The following RALGAPA1 variants were observed in gnomAD, a reference collection of about 807,000 sequenced individuals.
RALGAPA1 encodes the protein Ral GTPase activating protein catalytic subunit alpha 1, also known as ral GTPase-activating protein subunit alpha-1.
RALGAPA1 carries 52 observed loss-of-function variants against 269.6 expected under a neutral mutation model. That is an observed-to-expected ratio of 0.19 (90% CI 0.15 to 0.24). The LOEUF (loss-of-function observed/expected upper bound fraction) is 0.24. Ranked by LOEUF, RALGAPA1 falls within the 10% of genes least tolerant of loss-of-function variation. The pLI is 1.00. For synonymous variants in RALGAPA1, 817 were observed against 1,008.3 expected (o/e 0.81, Z 3.60); for missense variants, 1,917 against 3,013.9 (o/e 0.64, Z 8.52).
chr14:35,758,516 G>A (rs961714333), intron 6 of RALGAPA1, among the ~76,000 whole-genome samples: 15 of 151,972 alleles, frequency 9.9e-5, no homozygotes, highest in Non-Finnish European at 1.3e-4. Context: ...AAGAGAAGGG[G>A]CAGAAGTCAG....
intron 14 of RALGAPA1, 197 bp from the exon 15 acceptor site, chr14:35,723,461 C>T (rs2069614860): frequency 2.3e-6 from 1 of 426,236 alleles, no homozygotes; most frequent in South Asian, 4.9e-5. Flanking sequence ...TCAACAACTG[C>T]CAACTCCCAA....
At chr14:35,551,473 G>A (rs991916105) in intron 39 of RALGAPA1, among the ~76,000 whole-genome samples, 3 of 152,194 alleles carry the variant, frequency 2.0e-5, no homozygotes, top group African/African-American at 7.2e-5. Flanking sequence ...AAAACAAGCT[G>A]TTTTTAAAAG....
At chr14:35,763,287 G>GAAT (rs1372724929) in intron 4 of RALGAPA1, among the ~76,000 whole-genome samples, 1 of 151,804 alleles carries the variant, frequency 6.6e-6, no homozygotes, top group East Asian at 1.9e-4. Context: ...CACTCAGTAT[G>GAAT]AATAAATCTA....
intron 1 of RALGAPA1, among the ~76,000 whole-genome samples, chr14:35,786,563 G>A (rs1448826774): frequency 2.0e-5 from 3 of 152,032 alleles, no homozygotes; most frequent in Middle Eastern, 3.4e-3. Context: ...GCGTGAACCC[G>A]GGAGGCAGAG....
At chr14:35,548,849 C>T (rs947612319) in intron 40 of RALGAPA1, among the ~76,000 whole-genome samples, 3 of 152,016 alleles carry the variant, frequency 2.0e-5, no homozygotes, top group African/African-American at 7.2e-5. Flanking sequence ...GAAATGATTC[C>T]AGAAGATGCA....
intron 4 of RALGAPA1, among the ~76,000 whole-genome samples, chr14:35,769,461 G>A (rs1052289574): frequency 6.6e-6 from 1 of 152,058 alleles, no homozygotes; most frequent in Non-Finnish European, 1.5e-5. Flanking sequence ...AGGGACAAGG[G>A]TTGAAAAACA....
intron 37 of RALGAPA1, among the ~76,000 whole-genome samples, chr14:35,582,724 G>A (rs1341985490): frequency 6.6e-6 from 1 of 152,088 alleles, no homozygotes; most frequent in Admixed American, 6.6e-5. Flanking sequence ...GAGGGGGAGG[G>A]GAAAAACAAT....
At chr14:35,669,011 C>A (rs1312806153) in intron 26 of RALGAPA1, among the ~76,000 whole-genome samples, 1 of 152,040 alleles carries the variant, frequency 6.6e-6, no homozygotes, top group Non-Finnish European at 1.5e-5. Flanking sequence ...TGCCTGTTTA[C>A]CTCTGCCTGG....
At chr14:35,611,843 A>G (rs1173908991) in intron 35 of RALGAPA1, among the ~76,000 whole-genome samples, 1 of 152,238 alleles carries the variant, frequency 6.6e-6, no homozygotes, top group African/African-American at 2.4e-5. Flanking sequence ...AACAATCTTG[A>G]AAAAGAATAG....
intron 16 of RALGAPA1, among the ~76,000 whole-genome samples, chr14:35,713,483 C>T (rs1406956007): frequency 1.3e-5 from 2 of 152,184 alleles, no homozygotes; most frequent in Non-Finnish European, 2.9e-5. Context: ...TCACAGTACT[C>T]AACATTTCCA....
At chr14:35,782,702 A>C (rs763139740) in intron 1 of RALGAPA1, among the ~76,000 whole-genome samples, 5 of 151,870 alleles carry the variant, frequency 3.3e-5, no homozygotes, top group Non-Finnish European at 4.4e-5. Context: ...GGGATTACAG[A>C]CATGAGCCAC....
intron 37 of RALGAPA1, among the ~76,000 whole-genome samples, chr14:35,579,569 T>C (rs2057814254): frequency 6.7e-6 from 1 of 149,790 alleles, no homozygotes; most frequent in Non-Finnish European, 1.5e-5. Context: ...GATCGCGCCA[T>C]TGCACTCCAG....
At position 35,635,414 on chromosome 14, in the gene RALGAPA1, G is replaced by A. The variant is rs753734026; in HGVS notation, c.5811+50C>T. The A allele has an allele frequency of 9.7e-5, 146 of 1,499,290 alleles. 1 individual carries two copies. The highest frequency in any genetic ancestry group is 2.5e-4 in the Middle Eastern group (1 of 4,012). 92.9% of individuals were successfully genotyped at this position (1,499,290 alleles called of 1,614,324 possible). A position where few individuals can be genotyped will look rare whatever the true frequency, so the allele number is the denominator to read the frequency against. On this transcript the variant is annotated intron_variant, in intron 32 of 41. Transcript: ENST00000680220. ...ATACTGAGAAATGTTATTTCTCTAG[G>A]TTTTAAAAACTCTTGGTTACCAAAT...
intron 27 of RALGAPA1, among the ~76,000 whole-genome samples, chr14:35,660,906 T>C (rs1217462019): frequency 6.6e-6 from 1 of 152,132 alleles, no homozygotes; most frequent in African/African-American, 2.4e-5. Context: ...ACATGTGGAA[T>C]ATAAAAAGTT....
At chr14:35,607,682 G>T (rs2059682390) in intron 35 of RALGAPA1, among the ~76,000 whole-genome samples, 1 of 152,190 alleles carries the variant, frequency 6.6e-6, no homozygotes, top group Non-Finnish European at 1.5e-5. Context: ...TGCCTAAGGT[G>T]AAAAGCAGGT....
At chr14:35,675,541 G>A (rs1283241723) in intron 22 of RALGAPA1, among the ~76,000 whole-genome samples, 2 of 152,086 alleles carry the variant, frequency 1.3e-5, no homozygotes, top group Non-Finnish European at 2.9e-5. Flanking sequence ...TTTTGCCTAC[G>A]AATACTGGCA....
intron 26 of RALGAPA1, among the ~76,000 whole-genome samples, chr14:35,670,192 G>T (rs2064286572): frequency 6.6e-6 from 1 of 152,022 alleles, no homozygotes; most frequent in Admixed American, 6.5e-5. Flanking sequence ...TCTTCCTCAT[G>T]GATGTCTAAT....
At chr14:35,584,312 G>A (rs1213278532) in intron 37 of RALGAPA1, among the ~76,000 whole-genome samples, 1 of 151,996 alleles carries the variant, frequency 6.6e-6, no homozygotes, top group Non-Finnish European at 1.5e-5. Context: ...CACTCAAGCT[G>A]GAGTGCAGTG....
At chr14:35,554,338 CTTTTTTTTT>C (rs869302363) in intron 39 of RALGAPA1, among the ~76,000 whole-genome samples, 949 of 85,794 alleles carry the variant, frequency 0.011, 10 homozygotes, top group African/African-American at 0.051. Flanking sequence ...AATACACTTT[CTTTTTTTTT>C]TTTTTTTTTT....
Sources: allele counts gnomAD v4.1 joint callset (sites outside exome capture counted in the v4.1 genomes callset), GRCh38; gene constraint gnomAD v4.1.1; transcripts MANE v1.5; gene names NCBI Gene and HGNC (gene_info 2026-07-23, HGNC 2026-07-21).